The following SDK1 variants were observed in gnomAD, a reference collection of about 807,000 sequenced individuals.
SDK1 encodes the protein sidekick cell adhesion molecule 1, also known as protein sidekick-1.
In SDK1, 157 loss-of-function variants were observed where a neutral mutation model predicts 245.5. The ratio of observed to expected loss-of-function variants is 0.64; its 90% CI spans 0.56 to 0.73. SDK1 has a LOEUF of 0.73. SDK1 is among the 30% of genes least tolerant of loss of function. SDK1 has a pLI of 0.00. For missense variants in SDK1, 3,583 were observed against 3,002.3 expected, an observed-to-expected ratio of 1.19 and a Z score of -4.52; for synonymous variants, 1,647 against 1,278.5, an observed-to-expected ratio of 1.29 and a Z score of -6.15.
chr7:3,438,183 A>T (rs1451584492), intron 1 of SDK1, among the ~76,000 whole-genome samples: 2 of 152,088 alleles, frequency 1.3e-5, no homozygotes, highest in Non-Finnish European at 2.9e-5. Context: ...ATTTTATTTT[A>T]TGTATCATAG....
chr7:3,952,567 G>T (rs1780921644), intron 7 of SDK1, among the ~76,000 whole-genome samples: 1 of 151,386 alleles, frequency 6.6e-6, no homozygotes. Flanking sequence ...TGGGCCACAG[G>T]AGCAAAACTC....
intron 1 of SDK1, among the ~76,000 whole-genome samples, chr7:3,388,691 A>G (rs545537157): frequency 6.6e-6 from 1 of 152,334 alleles, no homozygotes; most frequent in African/African-American, 2.4e-5. Context: ...TTATTCCTTG[A>G]CATTTTTAAG....
chr7:3,463,998 C>G (rs1036392788), intron 1 of SDK1, among the ~76,000 whole-genome samples: 10 of 152,302 alleles, frequency 6.6e-5, no homozygotes, highest in Admixed American at 5.2e-4. Flanking sequence ...TCAAATGTTT[C>G]TCTTACAGTT....
At chr7:4,132,221 G>A (rs187205321) in intron 27 of SDK1, 104 bp from the exon 28 acceptor site, 414 of 857,188 alleles carry the variant, frequency 4.8e-4, no homozygotes, top group Non-Finnish European at 7.5e-4. Context: ...AGTGTAGCCT[G>A]TGGTAGTTAC....
intron 22 of SDK1, among the ~76,000 whole-genome samples, chr7:4,091,203 G>C (rs1234411652): frequency 1.3e-5 from 2 of 152,010 alleles, no homozygotes; most frequent in Non-Finnish European, 2.9e-5. Flanking sequence ...AGTCATACTT[G>C]TTATATGTCC....
chr7:3,545,620 T>G (rs1427232543), intron 1 of SDK1, among the ~76,000 whole-genome samples: 2 of 152,224 alleles, frequency 1.3e-5, no homozygotes, highest in Non-Finnish European at 2.9e-5. Context: ...ATGATTGAAA[T>G]GAAACCACCT....
intron 37 of SDK1, among the ~76,000 whole-genome samples, chr7:4,209,103 C>T (rs763436128): frequency 2.0e-5 from 3 of 152,238 alleles, no homozygotes; most frequent in African/African-American, 7.2e-5. Context: ...TGGCATCAAA[C>T]TCTCATGTGC....
intron 5 of SDK1, among the ~76,000 whole-genome samples, chr7:3,900,572 G>C (rs1329165480): frequency 2.6e-5 from 4 of 152,122 alleles, no homozygotes; most frequent in African/African-American, 9.7e-5. Flanking sequence ...TGGAAGGCTG[G>C]AAATAGCTTT....
rs201495708 is a variant in SDK1, at chr7:4,245,701, G to T, written c.6277G>T (p.Gly2093Cys). The T allele has an allele frequency of 1.3e-5, 21 of 1,614,020 alleles. No homozygotes were observed. The highest frequency in any genetic ancestry group is 1.7e-5 in the Non-Finnish European group (20 of 1,180,006). Residue 2093 changes from glycine (G) to cysteine (C), a missense_variant, in exon 44 of 45, where the codon GGC (glycine) becomes TGC (cysteine). Physicochemically the swap from Gly to Cys is radical, Grantham distance 159. Transcript: ENST00000404826. Reference protein sequence around the residue: ...TRSPPRPSPGGLHYSDEDICN... With the variant: ...TRSPPRPSPGCLHYSDEDICN... Reference sequence around the variant, plus strand: ...GTCCCCACCCCGGCCTAGCCCCGGCGGCCTGCACTACTCAGACGAGGACAT... The same window carrying T: ...GTCCCCACCCCGGCCTAGCCCCGGCTGCCTGCACTACTCAGACGAGGACAT...
intron 5 of SDK1, among the ~76,000 whole-genome samples, chr7:3,926,994 G>T (rs543547396): frequency 6.6e-6 from 1 of 152,166 alleles, no homozygotes; most frequent in Non-Finnish European, 1.5e-5. Flanking sequence ...TTAACTTGGG[G>T]GCCCGTCAAT....
chr7:3,637,018 ATTAAG>A (rs2128650225), intron 2 of SDK1, among the ~76,000 whole-genome samples: 1 of 151,972 alleles, frequency 6.6e-6, no homozygotes, highest in Admixed American at 6.6e-5. Flanking sequence ...CCTTATTAAA[ATTAAG>A]TTGTTTTTTT....
chr7:3,625,213 A>G (rs1782075501), intron 2 of SDK1, among the ~76,000 whole-genome samples: 1 of 152,236 alleles, frequency 6.6e-6, no homozygotes, highest in African/African-American at 2.4e-5. Flanking sequence ...TATTTGAATG[A>G]TCTCAGATTA....
intron 26 of SDK1, 105 bp from the exon 27 acceptor site, chr7:4,129,803 C>A: frequency 6.4e-7 from 1 of 1,551,500 alleles, no homozygotes; most frequent in South Asian, 1.2e-5. Flanking sequence ...AGGGAGAAAG[C>A]ACAGTTGGCT....
rs548388367 is a variant in SDK1 at position 3,919,223 on chromosome 7, C to T, written c.848-31700C>T. Among the ~76,000 whole-genome samples the T allele has an allele frequency of 3.3e-5, 5 of 152,324 alleles. No individual in the cohort carries two copies. The South Asian group carries it at 8.3e-4, about 25-fold the overall frequency. On this transcript the variant is annotated intron_variant, in intron 5 of 44. Transcript: ENST00000404826. ...GAATATTCCATGAGCCCGGCTTCTC[C>T]CCCAGGCCATAATGAGGGTATGTCA...
intron 4 of SDK1, among the ~76,000 whole-genome samples, chr7:3,660,903 T>C (rs1377631323): frequency 6.6e-6 from 1 of 152,250 alleles, no homozygotes; most frequent in Non-Finnish European, 1.5e-5. Context: ...ATCTGAGAGA[T>C]ACATTATGTC....
At chr7:4,077,695 C>T (rs918011931) in intron 21 of SDK1, among the ~76,000 whole-genome samples, 8 of 152,108 alleles carry the variant, frequency 5.3e-5, no homozygotes, top group South Asian at 4.1e-4. Context: ...AGAGAGAGCC[C>T]GTGCAAGGAA....
At chr7:3,622,627 A>G (rs1253344130) in intron 2 of SDK1, among the ~76,000 whole-genome samples, 2 of 152,214 alleles carry the variant, frequency 1.3e-5, no homozygotes, top group Non-Finnish European at 2.9e-5. Flanking sequence ...CACTCTTTGT[A>G]TTCTTAAGAG....
intron 1 of SDK1, among the ~76,000 whole-genome samples, chr7:3,309,524 A>ATTTTTTTTTTTT (rs59762021): frequency 1.6e-5 from 2 of 127,312 alleles, no homozygotes; most frequent in South Asian, 2.6e-4. Context: ...CTAGAAAAAG[A>ATTTTTTTTTTTT]TTTTTTTTTT....
intron 4 of SDK1, among the ~76,000 whole-genome samples, chr7:3,762,017 C>G (rs1182239512): frequency 6.6e-6 from 1 of 152,170 alleles, no homozygotes; most frequent in Non-Finnish European, 1.5e-5. Flanking sequence ...AAACTATCAG[C>G]AGATGACTGT....
Sources: gnomAD v4.1 joint callset for allele counts (sites outside exome capture counted in the v4.1 genomes callset) on GRCh38, gnomAD v4.1.1 for gene constraint, MANE v1.5 for transcripts, NCBI Gene and HGNC (gene_info 2026-07-23, HGNC 2026-07-21) for gene names.